Variants in MCPH1 observed in about 807,000 individuals in gnomAD.
The protein encoded by MCPH1 is microcephalin.
MCPH1 carries 104 observed loss-of-function variants against 84.5 expected under a neutral mutation model. That is an observed-to-expected ratio of 1.23 (90% CI 1.05 to 1.45). The LOEUF is 1.45. Ranked by LOEUF, MCPH1 falls within the 40% of genes most tolerant of loss-of-function variation. The pLI, the probability that MCPH1 is intolerant of heterozygous loss-of-function variation, is 0.00. For missense variants in MCPH1, 1,498 were observed against 1,005.7 expected (o/e 1.49, Z -6.62); for synonymous variants, 514 against 366.8 (o/e 1.40, Z -4.58).
intron 12 of MCPH1, among the ~76,000 whole-genome samples, chr8:6,550,812 G>C (rs1462725855): frequency 6.6e-6 from 1 of 152,216 alleles, no homozygotes; most frequent in Non-Finnish European, 1.5e-5. Context: ...GTGAAATTGA[G>C]TGAGACGATG....
chr8:6,439,485 A>G (rs1427345618), intron 6 of MCPH1, among the ~76,000 whole-genome samples: 1 of 151,362 alleles, frequency 6.6e-6, no homozygotes, highest in Non-Finnish European at 1.5e-5. Flanking sequence ...CCCTAGTTCA[A>G]GTGATTCTAC....
rs55823551 is a variant in MCPH1 at position 6,441,142 on chromosome 8, A to G, written c.581-925A>G. Among the ~76,000 whole-genome samples, 1,034 of 152,328 alleles carry G rather than the reference A, an allele frequency of 6.8e-3. 5 individuals carry two copies. Among genetic ancestry groups the G allele is most frequent in the Non-Finnish European group, 0.012 (819 of 68,026 alleles). On this transcript the variant is annotated intron_variant, in intron 6 of 13. Transcript: ENST00000344683. ...TGAAATGTAGTCTTGACTGGGATGCATTGCTGTCCTGATAAAATCAAAGTT... is the reference window on the plus strand; with the variant it reads ...TGAAATGTAGTCTTGACTGGGATGCGTTGCTGTCCTGATAAAATCAAAGTT...
chr8:6,627,688 C>T (rs1053373612), intron 13 of MCPH1, among the ~76,000 whole-genome samples: 7 of 151,892 alleles, frequency 4.6e-5, no homozygotes, highest in African/African-American at 1.5e-4. Context: ...CCCAGCAGCT[C>T]GAGTCCAGCC....
intron 12 of MCPH1, chr8:6,532,620 C>T (rs1326545008): frequency 3.3e-6 from 2 of 602,640 alleles, no homozygotes; most frequent in South Asian, 4.2e-5. Context: ...ACCTTGCCTT[C>T]CTTTTGGAAT....
chr8:6,429,124 A>C (rs981857379), intron 3 of MCPH1, among the ~76,000 whole-genome samples: 68 of 152,198 alleles, frequency 4.5e-4, no homozygotes, highest in African/African-American at 1.4e-3. Context: ...ATTTTGGTTA[A>C]ATCGGTAGTT....
At position 6,541,433 on chromosome 8, in the gene MCPH1, C is replaced by T. The variant is rs560659514; in HGVS notation, c.2214+41504C>T. On this transcript the variant is annotated intron_variant, in intron 12 of 13. Transcript: ENST00000344683. ...AGGAGAGGAGAGGAAAAGCAGTGCT[C>T]TGAGAAAGACAATATTTCTAGTAGA... 1.2e-4 allele frequency among the ~76,000 whole-genome samples: 18 copies of T among 152,206 alleles called. No individual in the cohort carries two copies. The South Asian group carries it at 3.5e-3, about 30-fold the overall frequency.
chr8:6,474,327 C>G (rs1431880201), intron 9 of MCPH1: 1 of 449,166 alleles, frequency 2.2e-6, no homozygotes, highest in African/African-American at 2.0e-5. Context: ...GTGTACCTGG[C>G]TTTCTATGAC....
chr8:6,637,850 CG>C (rs1350594926), intron 13 of MCPH1, among the ~76,000 whole-genome samples: 1 of 152,012 alleles, frequency 6.6e-6, no homozygotes, highest in Non-Finnish European at 1.5e-5. Context: ...GGACCAGGGA[CG>C]TATCGATGGA....
chr8:6,500,072 C>G lies in MCPH1; in HGVS notation c.2214+143C>G, dbSNP rs1050757610. On this transcript the variant is annotated intron_variant, in intron 12 of 13. Transcript: ENST00000344683. ...AAAAGACATTCACAGAACTTAACAC[C>G]TTTTATCAATTTATTCGCGAGAACA... The G allele has an allele frequency of 6.9e-6, 5 of 720,664 alleles. No homozygotes were observed. The African/African-American group carries it at 7.0e-5, about 10-fold the overall frequency. The allele number at this position is 720,664 out of a possible 1,614,324, so 44.6% of individuals were successfully genotyped here. A position where few individuals can be genotyped will look rare whatever the true frequency, so the allele number is the denominator to read the frequency against.
intron 12 of MCPH1, among the ~76,000 whole-genome samples, chr8:6,583,963 C>G (rs1163751083): frequency 6.6e-6 from 1 of 150,530 alleles, no homozygotes; most frequent in African/African-American, 2.4e-5. Flanking sequence ...GTGGGTAGTT[C>G]AAGATTCATC....
At chr8:6,538,388 G>A (rs11989215) in intron 12 of MCPH1, among the ~76,000 whole-genome samples, 90,556 of 151,942 alleles carry the variant, frequency 0.6, 27,645 homozygotes, top group Middle Eastern at 0.68. Flanking sequence ...CTTTCATCCC[G>A]CTGTCAGAGT....
intron 3 of MCPH1, among the ~76,000 whole-genome samples, chr8:6,419,222 T>G (rs1799803720): frequency 6.6e-6 from 1 of 151,138 alleles, no homozygotes; most frequent in Admixed American, 6.6e-5. Context: ...TTGACAGTAT[T>G]TGTTTTTGTT....
chr8:6,450,624 A>G (rs2129556358), intron 8 of MCPH1, among the ~76,000 whole-genome samples: 1 of 151,844 alleles, frequency 6.6e-6, no homozygotes, highest in South Asian at 2.1e-4. Flanking sequence ...TGTTTCTCAC[A>G]TCCATTATGC....
chr8:6,622,218 T>A (rs1563203821), intron 13 of MCPH1: 1 of 181,470 alleles, frequency 5.5e-6, no homozygotes, highest in Non-Finnish European at 1.2e-5. Flanking sequence ...AGTGTGACCG[T>A]AATGTCCCAC....
At chr8:6,562,220 GTC>G (rs1347044728) in intron 12 of MCPH1, among the ~76,000 whole-genome samples, 1 of 152,160 alleles carries the variant, frequency 6.6e-6, no homozygotes, top group Non-Finnish European at 1.5e-5. Flanking sequence ...GGTTGTCACG[GTC>G]TCTCTGGCTC....
At chr8:6,533,209 T>A (rs559485997) in intron 12 of MCPH1, among the ~76,000 whole-genome samples, 5 of 152,378 alleles carry the variant, frequency 3.3e-5, no homozygotes, top group African/African-American at 1.2e-4. Flanking sequence ...CTCCCTCAGT[T>A]ACTAAAGATG....
chr8:6,524,501 C>T (rs781489613), intron 12 of MCPH1, among the ~76,000 whole-genome samples: 5 of 152,134 alleles, frequency 3.3e-5, no homozygotes, highest in African/African-American at 4.8e-5. Context: ...TCCTAGGAAC[C>T]GAAAGCATGT....
rs1803974009 is a variant in MCPH1, at chr8:6,444,501, G to A, written c.779G>A (p.Ser260Asn). The A allele has an allele frequency of 6.2e-7, 1 of 1,614,074 alleles. No homozygotes were observed. The highest frequency in any genetic ancestry group is 1.3e-5 in the African/African-American group (1 of 74,934). ...KLEGSINDIK[S>N]DVCISSLVLK... Reference sequence around the variant, plus strand: ...GAAGGATCCATTAATGACATTAAAAGTGATGTGTGTATTTCTTCACTTGTA... The same window carrying A: ...GAAGGATCCATTAATGACATTAAAAATGATGTGTGTATTTCTTCACTTGTA... Residue 260 changes from serine (S) to asparagine (N), a missense_variant, in exon 8 of 14, where the codon AGT (serine) becomes AAT (asparagine). Ser to Asn is a conservative substitution (Grantham distance 46, BLOSUM62 1). Coordinates refer to ENST00000344683, the MANE Select transcript of MCPH1 (RefSeq NM_024596.5).
chr8:6,535,783 C>T (rs1820373937), intron 12 of MCPH1, among the ~76,000 whole-genome samples: 1 of 152,024 alleles, frequency 6.6e-6, no homozygotes, highest in Non-Finnish European at 1.5e-5. Context: ...CGTGATGGCT[C>T]ATGCCTGTAA....
Sources: allele counts gnomAD v4.1 joint callset (sites outside exome capture counted in the v4.1 genomes callset), GRCh38; gene constraint gnomAD v4.1.1; transcripts MANE v1.5; gene names NCBI Gene and HGNC (gene_info 2026-07-23, HGNC 2026-07-21).